The following SMC2 variants were observed in gnomAD, a reference collection of about 807,000 sequenced individuals.
SMC2 encodes the protein structural maintenance of chromosomes 2.
In SMC2, 41 loss-of-function variants were observed where a neutral mutation model predicts 142.6. The observed-to-expected ratio is 0.29, with a 90% CI of 0.22 to 0.37. The LOEUF is 0.37. Among genes scored for constraint, SMC2 ranks in the 10% least tolerant of loss-of-function variants. SMC2 has a pLI of 1.00. For missense variants in SMC2, 1,265 were observed against 1,373.7 expected (o/e 0.92, Z 1.25); for synonymous variants, 463 against 457.5 (o/e 1.01, Z -0.15).
At chr9:104,128,098 A>T (rs1390930040) in intron 20 of SMC2, among the ~76,000 whole-genome samples, 5 of 152,210 alleles carry the variant, frequency 3.3e-5, no homozygotes, top group African/African-American at 1.2e-4. Context: ...ACATGGTATT[A>T]ATAATTCATC....
chr9:104,137,700 C>T (rs1588014474), intron 23 of SMC2, among the ~76,000 whole-genome samples: 1 of 152,158 alleles, frequency 6.6e-6, no homozygotes, highest in East Asian at 1.9e-4. Flanking sequence ...AATGAGCCAA[C>T]TGGGGAAGGG....
rs372330998 is a variant in SMC2, at chr9:104,132,116, A to G, written c.3099A>G (p.Ala1033=). The G allele has an allele frequency of 2.0e-6, 3 of 1,532,766 alleles. No homozygotes were observed. Among genetic ancestry groups the G allele is most frequent in the African/African-American group, 1.4e-5 (1 of 72,430 alleles). 94.9% of individuals were successfully genotyped at this position (1,532,766 alleles called of 1,614,324 possible). The part of the protein sequence containing the change: ...DQKKNQALNI[A]WQKVNKDFGS... ...AGAAAAACCAAGCCCTAAATATTGC[A>G]TGGCAAAAGGTACTTTTTATGTTTG... Residue 1033 remains alanine, a synonymous_variant, in exon 22 of 25, where the codon GCA becomes GCG. Coordinates refer to ENST00000374793, the MANE Select transcript of SMC2 (RefSeq NM_006444.3).
intron 22 of SMC2, among the ~76,000 whole-genome samples, chr9:104,134,005 T>TTTTTTTCCTC (rs780729614): frequency 2.6e-4 from 39 of 152,232 alleles, no homozygotes; most frequent in Non-Finnish European, 5.4e-4. Flanking sequence ...TATTTTGTGT[T>TTTTTTTCCTC]TTTTTTCCTC....
At chr9:104,114,107 AACATAGTAATAATCAAG>A in intron 12 of SMC2, 26 bp downstream of exon 12, 1 of 1,303,472 alleles carries the variant, frequency 7.7e-7, no homozygotes. Context: ...CTTGAATTTT[AACATAGTAATAATCAAG>A]ACATTTTTAT....
At chr9:104,131,977 T>C (rs1245656907) in intron 21 of SMC2, 32 bp from the exon 22 acceptor site, 1 of 1,087,964 alleles carries the variant, frequency 9.2e-7, no homozygotes, top group Non-Finnish European at 1.4e-6. Flanking sequence ...GATTTTATAT[T>C]TTCCCAGTTA....
chr9:104,127,393 G>A lies in SMC2; in HGVS notation c.2703G>A (p.Glu901=). 5.6e-6 allele frequency: 9 copies of A among 1,613,710 alleles called. No homozygotes were observed. Among genetic ancestry groups the A allele is most frequent in the African/African-American group, 1.3e-5 (1 of 75,016 alleles). Residue 901 remains glutamate, a synonymous_variant, in exon 20 of 25, where the codon GAG becomes GAA. Transcript: ENST00000374793. ...AKYAEVAKHK[E]QNNDSQLKIK... ...ATGCAGAAGTGGCAAAACACAAGGA[G>A]CAAAACAATGATTCTCAGCTTAAAA...
intron 17 of SMC2, among the ~76,000 whole-genome samples, chr9:104,124,711 T>C (rs1834081883): frequency 6.6e-6 from 1 of 152,310 alleles, no homozygotes; most frequent in Middle Eastern, 3.4e-3. Flanking sequence ...GAAATTATTT[T>C]GTTACAGATC....
At chr9:104,129,245 G>A (rs753185486) in intron 20 of SMC2, among the ~76,000 whole-genome samples, 7 of 152,122 alleles carry the variant, frequency 4.6e-5, no homozygotes, top group Non-Finnish European at 7.4e-5. Flanking sequence ...GCTCACGCCT[G>A]TAATCCCAGC....
At chr9:104,104,422 C>T (rs2122577) in intron 9 of SMC2, among the ~76,000 whole-genome samples, 90,021 of 152,018 alleles carry the variant, frequency 0.59, 28,103 homozygotes, top group African/African-American at 0.75. Flanking sequence ...TTTATTTGCA[C>T]GTGCTCAACT....
chr9:104,139,313 T>G lies in SMC2; in HGVS notation c.3592T>G (p.Ter1198GluextTer13). The change falls in exon 25 of 25, where the codon TAA (stop) becomes GAA (glutamate). Residue 1198 changes from the stop codon to glutamate (E), a stop_lost. Coordinates refer to ENST00000374793, the MANE Select transcript of SMC2 (RefSeq NM_006444.3). ...ACCCAAAGGAGCACATGTGGAAGTT[T>G]AAACTACAAAGTTATTTCTTCATCT... ...KPPKGAHVEV[*>E] 1 of 1,574,380 alleles carries G rather than the reference T, an allele frequency of 6.4e-7. No individual in the cohort carries two copies. Among genetic ancestry groups the G allele is most frequent in the Non-Finnish European group, 8.6e-7 (1 of 1,168,032 alleles).
In SMC2 at chr9:104,124,551, A is replaced by G. The variant is rs112587973; in HGVS notation, c.2258-361A>G. ...TGAAATTACACACTTTCTAGCAACT[A>G]TAGAAAAAATACCATAGTTATACTG... is the stretch of plus-strand genomic sequence containing the variant. On this transcript the variant is annotated intron_variant, in intron 17 of 24. Transcript: ENST00000374793. Among the ~76,000 whole-genome samples the G allele has an allele frequency of 8.1e-3, 1,239 of 152,270 alleles. 20 individuals are homozygous for G. The highest frequency in any genetic ancestry group is 0.028 in the African/African-American group (1,183 of 41,544).
the SMC2 span, among the ~76,000 whole-genome samples, chr9:104,088,334 T>C: frequency 6.6e-6 from 1 of 152,136 alleles, no homozygotes; most frequent in African/African-American, 2.4e-5. Context: ...CTTATTCATA[T>C]TGAACCAATA....
In SMC2 at chr9:104,118,375, G is replaced by GGTAA; in HGVS notation, c.1996+3_1996+6dup. ...TGATCCTCATGGGACATTGAGTGGA[G>GGTAA]GTAAGTTTTATATCCTTTTCTCCTC... On this transcript the variant is annotated frameshift_variant and splice_region_variant. Transcript: ENST00000374793. LOFTEE classifies it high-confidence loss of function. 3 of 1,609,306 alleles carry GGTAA rather than the reference G, an allele frequency of 1.9e-6. No individual in the cohort carries two copies. The highest frequency in any genetic ancestry group is 2.2e-5 in the South Asian group (2 of 90,324).
At chr9:104,097,518 A>AAG (rs1830588059) in intron 3 of SMC2, among the ~76,000 whole-genome samples, 2 of 151,270 alleles carry the variant, frequency 1.3e-5, no homozygotes, top group Non-Finnish European at 2.9e-5. Context: ...GAAAAAAAAA[A>AAG]AAAAAAAAGA....
rs115184373 is a variant in SMC2, at chr9:104,125,443, T to G, written c.2451+338T>G. ...AATCTGAAGTCTGGAAGACTTCTGG[T>G]CCTACACACTTTGGATAAGGGATAT... On this transcript the variant is annotated intron_variant, in intron 18 of 24. Coordinates refer to ENST00000374793, the MANE Select transcript of SMC2 (RefSeq NM_006444.3). 3.5e-3 allele frequency among the ~76,000 whole-genome samples: 530 copies of G among 152,300 alleles called. 4 individuals carry two copies. The highest frequency in any genetic ancestry group is 0.012 in the African/African-American group (484 of 41,572).
chr9:104,100,601 T>C (rs878896843), intron 7 of SMC2, among the ~76,000 whole-genome samples, 168 bp downstream of exon 7: 1 of 152,212 alleles, frequency 6.6e-6, no homozygotes, highest in Non-Finnish European at 1.5e-5. Context: ...ACAGAGGATA[T>C]GCACTTATCT....
intron 9 of SMC2, among the ~76,000 whole-genome samples, chr9:104,106,963 C>T (rs1298355073): frequency 6.6e-6 from 1 of 152,130 alleles, no homozygotes; most frequent in South Asian, 2.1e-4. Context: ...TTTCAGTAAA[C>T]CCCGCCATAC....
intron 21 of SMC2, among the ~76,000 whole-genome samples, chr9:104,131,650 CT>C (rs34656812): frequency 0.035 from 4,572 of 132,336 alleles, 138 homozygotes; most frequent in African/African-American, 0.1. Context: ...ATATGTAACA[CT>C]TTTTTTTTTT....
chr9:104,136,375 T>C (rs1457018782), intron 23 of SMC2, among the ~76,000 whole-genome samples: 3 of 152,082 alleles, frequency 2.0e-5, no homozygotes, highest in African/African-American at 7.2e-5. Context: ...AAAATACAGC[T>C]CCTGCTGCCT....
Sources: allele counts gnomAD v4.1 joint callset (sites outside exome capture counted in the v4.1 genomes callset), GRCh38; gene constraint gnomAD v4.1.1; transcripts MANE v1.5; gene names NCBI Gene and HGNC (gene_info 2026-07-23, HGNC 2026-07-21).